USP31: variants seen among roughly 807,000 people sequenced by gnomAD.
USP31 encodes ubiquitin carboxyl-terminal hydrolase 31.
In USP31, 44 loss-of-function variants were observed where a neutral mutation model predicts 119.4. The observed-to-expected ratio is 0.37, with a 90% CI of 0.29 to 0.47. USP31 has a LOEUF of 0.47. USP31 is among the 20% of genes least tolerant of loss of function. The probability of loss-of-function intolerance (pLI) is 0.99; values close to 1 mark genes in which losing one functional copy is unlikely to be tolerated. For missense variants in USP31, 1,643 were observed against 1,730.2 expected, an observed-to-expected ratio of 0.95 and a Z score of 0.89; for synonymous variants, 749 against 705.6, an observed-to-expected ratio of 1.06 and a Z score of -0.97.
chr16:23,116,676 A>G (rs1048798855), intron 1 of USP31, among the ~76,000 whole-genome samples: 3 of 152,068 alleles, frequency 2.0e-5, no homozygotes, highest in African/African-American at 7.2e-5. Flanking sequence ...CTTGAAAGGG[A>G]CCCTAAGGCC....
rs148109357 is a variant in USP31 at position 23,128,705 on chromosome 16, T to C, written c.633+19933A>G. ...ATAAATTAACGGGTCAGGGAACAACTACCAGTGATTCTTGGCACCACAAGA... is the reference window on the plus strand; with the variant it reads ...ATAAATTAACGGGTCAGGGAACAACCACCAGTGATTCTTGGCACCACAAGA... On this transcript the variant is annotated intron_variant, in intron 1 of 15. Transcript: ENST00000219689. Among the ~76,000 whole-genome samples, 1,343 of 152,322 alleles carry C rather than the reference T, an allele frequency of 8.8e-3. 22 individuals are homozygous for C. The highest frequency in any genetic ancestry group is 0.031 in the African/African-American group (1,276 of 41,568).
At chr16:23,098,337 T>C (rs1228816224) in intron 6 of USP31, among the ~76,000 whole-genome samples, 1 of 152,100 alleles carries the variant, frequency 6.6e-6, no homozygotes, top group Non-Finnish European at 1.5e-5. Flanking sequence ...CACAAACAAA[T>C]GGAAGAACAT....
At chr16:23,118,969 T>C (rs1419829966) in intron 1 of USP31, among the ~76,000 whole-genome samples, 2 of 151,746 alleles carry the variant, frequency 1.3e-5, no homozygotes, top group African/African-American at 4.8e-5. Context: ...CAAGGCTCTG[T>C]CTCAAAAAAA....
At chr16:23,080,490 T>C (rs1817251983) in intron 12 of USP31, among the ~76,000 whole-genome samples, 1 of 152,172 alleles carries the variant, frequency 6.6e-6, no homozygotes, top group Admixed American at 6.5e-5. Context: ...TGGCTCTTCC[T>C]GATACCTCTG....
intron 1 of USP31, among the ~76,000 whole-genome samples, chr16:23,111,743 A>G (rs1284057195): frequency 6.6e-6 from 1 of 152,206 alleles, no homozygotes; most frequent in Non-Finnish European, 1.5e-5. Context: ...CCAAGAAAAA[A>G]ACCATCAAAG....
At chr16:23,118,002 T>C (rs1255423060) in intron 1 of USP31, among the ~76,000 whole-genome samples, 1 of 152,212 alleles carries the variant, frequency 6.6e-6, no homozygotes, top group Non-Finnish European at 1.5e-5. Context: ...TTGGCCAGGC[T>C]GGTCTCAAAC....
chr16:23,072,243 G>A (rs1335833003), intron 14 of USP31, 46 bp from the exon 15 acceptor site: 2 of 1,570,826 alleles, frequency 1.3e-6, no homozygotes, highest in Non-Finnish European at 8.6e-7. Context: ...GGGTCCCTCG[G>A]CCAGCCCTGA....
At chr16:23,147,686 G>C (rs1239660822) in intron 1 of USP31, among the ~76,000 whole-genome samples, 1 of 152,196 alleles carries the variant, frequency 6.6e-6, no homozygotes. Flanking sequence ...CAGCACTTTG[G>C]GAGGCCAAAG....
chr16:23,134,089 T>A (rs200563563), intron 1 of USP31, among the ~76,000 whole-genome samples: 57 of 146,442 alleles, frequency 3.9e-4, no homozygotes, highest in East Asian at 2.6e-3. Context: ...TCTCTCTCTC[T>A]CACACACACA....
intron 6 of USP31, among the ~76,000 whole-genome samples, chr16:23,093,930 G>A (rs972339139): frequency 3.9e-5 from 6 of 152,172 alleles, no homozygotes; most frequent in South Asian, 2.1e-4. Context: ...CAGCATGATC[G>A]ATGCAGAAGA....
At chr16:23,109,998 C>T (rs1478945544) in intron 1 of USP31, among the ~76,000 whole-genome samples, 4 of 152,024 alleles carry the variant, frequency 2.6e-5, no homozygotes, top group South Asian at 2.1e-4. Context: ...ACAGAAAAAA[C>T]GCACAAGAGA....
chr16:23,097,295 G>A (rs900262164), intron 6 of USP31, among the ~76,000 whole-genome samples: 3 of 152,202 alleles, frequency 2.0e-5, no homozygotes, highest in East Asian at 1.9e-4. Context: ...AAACCAGGCA[G>A]AAGCTGAATC....
chr16:23,143,261 C>G (rs1903403230), intron 1 of USP31, among the ~76,000 whole-genome samples: 1 of 152,130 alleles, frequency 6.6e-6, no homozygotes, highest in South Asian at 2.1e-4. Context: ...TTTGCCAGCA[C>G]AATTTAAAAA....
intron 1 of USP31, among the ~76,000 whole-genome samples, chr16:23,130,080 T>C (rs1902982101): frequency 6.6e-6 from 1 of 152,218 alleles, no homozygotes; most frequent in Non-Finnish European, 1.5e-5. Flanking sequence ...TCTCAGAATC[T>C]GAACCAAAGT....
At chr16:23,146,936 AATG>A (rs1404064765) in intron 1 of USP31, among the ~76,000 whole-genome samples, 1 of 151,588 alleles carries the variant, frequency 6.6e-6, no homozygotes, top group African/African-American at 2.4e-5. Flanking sequence ...GTTACCTGCC[AATG>A]CTTCTAGACT....
intron 9 of USP31, 50 bp downstream of exon 9, chr16:23,087,042 T>G: frequency 1.4e-6 from 2 of 1,391,514 alleles, no homozygotes; most frequent in Non-Finnish European, 2.0e-6. Flanking sequence ...AAATCACACA[T>G]GAATATGTGT....
At position 23,148,903 on chromosome 16, in the gene USP31, G is replaced by A; in HGVS notation, c.368C>T (p.Pro123Leu). The A allele has an allele frequency of 7.1e-7, 1 of 1,409,488 alleles. No individual in the cohort carries two copies. Among genetic ancestry groups the A allele is most frequent in the East Asian group, 2.9e-5 (1 of 35,004 alleles). The allele number at this position is 1,409,488 out of a possible 1,614,324, so 87.3% of individuals were successfully genotyped here. A position where few individuals can be genotyped will look rare whatever the true frequency, so the allele number is the denominator to read the frequency against. ...SPAPPACAAE[P>L]VPGVAGLRNH... is the part of the protein sequence containing the mutation. ...GCGGAGCCCCGCCACGCCGGGCACC[G>A]GCTCGGCGGCGCAAGCGGGCGGCGC... Residue 123 changes from proline to leucine, a missense_variant, in exon 1 of 16, where the codon CCG (proline) becomes CTG (leucine). Coordinates refer to ENST00000219689, the MANE Select transcript of USP31 (RefSeq NM_020718.4).
Position 23,102,515 on chromosome 16 carries a change from T to C in USP31, c.1090-52A>G, listed in dbSNP as rs769109050. On this transcript the variant is annotated intron_variant, in intron 5 of 15. Coordinates refer to ENST00000219689, the MANE Select transcript of USP31 (RefSeq NM_020718.4). ...TGGGTAACTGGAAATTCGATACTAA[T>C]TGATCTCCCAATTCTATGAACTTCT... The C allele has an allele frequency of 1.1e-4, 174 of 1,574,586 alleles. 1 individual carries two copies. The South Asian group carries it at 1.8e-3, about 16-fold the overall frequency.
Position 23,087,133 on chromosome 16 carries a change from C to G in USP31, c.1581G>C (p.Leu527=). 1 of 1,613,742 alleles carries G rather than the reference C, an allele frequency of 6.2e-7. No individual in the cohort carries two copies. The highest frequency in any genetic ancestry group is 1.1e-5 in the South Asian group (1 of 91,018). ...GGCACAAGGGCTGCTCCTCCTGGGG[C>G]AGCAAATATGTTATTCCAACAACAC... is the stretch of plus-strand genomic sequence containing the variant. The part of the protein sequence containing the change: ...VVSVVGITYL[L]PQEEQPLCHP... The change falls in exon 9 of 16, where the codon CTG becomes CTC. Residue 527 remains leucine, a synonymous_variant. Transcript: ENST00000219689.
Sources: gnomAD v4.1 joint callset for allele counts (sites outside exome capture counted in the v4.1 genomes callset) on GRCh38, gnomAD v4.1.1 for gene constraint, MANE v1.5 for transcripts, NCBI Gene and HGNC (gene_info 2026-07-23, HGNC 2026-07-21) for gene names.